The following NTM variants were observed in gnomAD, a reference collection of about 807,000 sequenced individuals.
The protein encoded by NTM is IgLON family member 2.
Under a neutral mutation model 42.1 loss-of-function variants are expected in NTM, and 13 were observed. That is an observed-to-expected ratio of 0.31 (90% CI 0.20 to 0.49). NTM has a LOEUF of 0.49. Ranked by LOEUF, NTM falls within the 20% of genes least tolerant of loss-of-function variation. NTM has a pLI of 0.99. For synonymous variants in NTM, 187 were observed against 179.2 expected (o/e 1.04, Z -0.35); for missense variants, 373 against 452.8 (o/e 0.82, Z 1.60).
chr11:132,251,947 G>A, intron 4 of NTM, among the ~76,000 whole-genome samples: 1 of 152,200 alleles, frequency 6.6e-6, no homozygotes, highest in South Asian at 2.1e-4. Flanking sequence ...TAAAGCACAG[G>A]TGCTCCAAAC....
intron 1 of NTM, among the ~76,000 whole-genome samples, chr11:131,714,259 G>T (rs2077458590): frequency 6.6e-6 from 1 of 152,036 alleles, no homozygotes; most frequent in Admixed American, 6.6e-5. Flanking sequence ...CGTGATCTTG[G>T]CTCACTGCAA....
At chr11:132,097,572 T>C (rs1434881330) in intron 2 of NTM, among the ~76,000 whole-genome samples, 2 of 152,244 alleles carry the variant, frequency 1.3e-5, no homozygotes, top group African/African-American at 2.4e-5. Flanking sequence ...ACCTCAGTTG[T>C]AACTTCTATT....
chr11:131,943,939 G>A (rs1397794208), intron 2 of NTM, among the ~76,000 whole-genome samples: 2 of 151,652 alleles, frequency 1.3e-5, no homozygotes, highest in Non-Finnish European at 2.9e-5. Context: ...AAAAATACCT[G>A]TTAGGCTGAT....
intron 1 of NTM, among the ~76,000 whole-genome samples, chr11:131,615,133 G>A (rs1452823813): frequency 6.6e-6 from 1 of 152,144 alleles, no homozygotes; most frequent in African/African-American, 2.4e-5. Context: ...ACACAATGGC[G>A]AAACACTTGG....
chr11:131,563,423 A>AT (rs1416600441), intron 1 of NTM, among the ~76,000 whole-genome samples: 3 of 152,042 alleles, frequency 2.0e-5, no homozygotes, highest in African/African-American at 7.2e-5. Flanking sequence ...AAATCTTCCT[A>AT]TTTTACCATC....
At chr11:131,959,415 C>T (rs2061896710) in intron 2 of NTM, among the ~76,000 whole-genome samples, 1 of 152,036 alleles carries the variant, frequency 6.6e-6, no homozygotes, top group Admixed American at 6.5e-5. Flanking sequence ...ATCACTTGAG[C>T]CTAGGGGCTT....
chr11:131,636,876 C>G (rs956038472), intron 1 of NTM, among the ~76,000 whole-genome samples: 1 of 152,186 alleles, frequency 6.6e-6, no homozygotes, highest in Admixed American at 6.5e-5. Flanking sequence ...CTTAACTCCT[C>G]TCCGCTTGTT....
At chr11:132,242,876 A>G (rs958722143) in intron 4 of NTM, among the ~76,000 whole-genome samples, 4 of 152,184 alleles carry the variant, frequency 2.6e-5, no homozygotes, top group African/African-American at 9.6e-5. Context: ...TTTAGCTTCC[A>G]TGATGTGCTT....
intron 1 of NTM, among the ~76,000 whole-genome samples, chr11:131,734,590 CT>C (rs1432739671): frequency 1.3e-5 from 2 of 152,188 alleles, no homozygotes; most frequent in Non-Finnish European, 2.9e-5. Flanking sequence ...GCTTCCACCC[CT>C]GACTCCCAGC....
intron 3 of NTM, among the ~76,000 whole-genome samples, chr11:132,169,830 T>G (rs1410873616): frequency 1.3e-5 from 2 of 152,206 alleles, no homozygotes; most frequent in African/African-American, 4.8e-5. Flanking sequence ...GCTGTGCCTA[T>G]CTCCCTGTCT....
At chr11:132,161,492 G>T (rs1229684605) in intron 3 of NTM, among the ~76,000 whole-genome samples, 1 of 148,134 alleles carries the variant, frequency 6.8e-6, no homozygotes, top group Non-Finnish European at 1.5e-5. Context: ...ACTCTCTTAG[G>T]CACGCTCTAT....
At chr11:132,035,710 AG>A (rs996046361) in intron 2 of NTM, among the ~76,000 whole-genome samples, 1 of 151,994 alleles carries the variant, frequency 6.6e-6, no homozygotes, top group Non-Finnish European at 1.5e-5. Flanking sequence ...TGTGTGCGTG[AG>A]CCCCATTGCT....
chr11:131,656,748 T>C (rs1057086870), intron 1 of NTM, among the ~76,000 whole-genome samples: 8 of 152,298 alleles, frequency 5.3e-5, no homozygotes, highest in African/African-American at 1.9e-4. Flanking sequence ...CTGTTTTTCT[T>C]TTCTTGGAGG....
intron 2 of NTM, among the ~76,000 whole-genome samples, chr11:132,110,651 T>TA (rs2063038364): frequency 1.3e-5 from 2 of 152,314 alleles, no homozygotes; most frequent in Admixed American, 6.5e-5. Flanking sequence ...TTTCTAAATA[T>TA]ATGTTCAAAA....
intron 1 of NTM, among the ~76,000 whole-genome samples, chr11:131,591,396 T>C (rs887651622): frequency 1.3e-5 from 2 of 152,170 alleles, no homozygotes; most frequent in Admixed American, 6.5e-5. Flanking sequence ...GCTTGGTCTA[T>C]CTGCTGCTGA....
intron 4 of NTM, among the ~76,000 whole-genome samples, chr11:132,248,847 G>A (rs1324077388): frequency 6.6e-6 from 1 of 152,230 alleles, no homozygotes; most frequent in African/African-American, 2.4e-5. Context: ...CCATTCAGAT[G>A]CATCTCTCCT....
At chr11:131,597,584 C>T (rs2059922709) in intron 1 of NTM, among the ~76,000 whole-genome samples, 1 of 152,206 alleles carries the variant, frequency 6.6e-6, no homozygotes, top group African/African-American at 2.4e-5. Flanking sequence ...CACTGCACTG[C>T]CCTCTACCCT....
intron 1 of NTM, among the ~76,000 whole-genome samples, chr11:131,797,706 T>C (rs2091723894): frequency 6.6e-6 from 1 of 152,228 alleles, no homozygotes; most frequent in African/African-American, 2.4e-5. Flanking sequence ...TTCTCACAGA[T>C]GGATTTTTAT....
intron 2 of NTM, among the ~76,000 whole-genome samples, chr11:132,106,510 C>A (rs1025216498): frequency 6.6e-6 from 1 of 152,230 alleles, no homozygotes; most frequent in African/African-American, 2.4e-5. Flanking sequence ...CACGTGACCA[C>A]GCCAAAGGAG....
Sources: gnomAD v4.1 joint callset for allele counts (sites outside exome capture counted in the v4.1 genomes callset) on GRCh38, gnomAD v4.1.1 for gene constraint, MANE v1.5 for transcripts, NCBI Gene and HGNC (gene_info 2026-07-23, HGNC 2026-07-21) for gene names.